MTA3: variants seen among roughly 807,000 people sequenced by gnomAD.
MTA3 encodes metastasis-associated protein MTA3.
A neutral mutation model predicts 83.5 loss-of-function variants in MTA3; 34 were observed. The ratio of observed to expected loss-of-function variants is 0.41; its 90% confidence interval spans 0.31 to 0.54. The LOEUF is 0.54. Among genes scored for constraint, MTA3 ranks in the 20% least tolerant of loss-of-function variants. The pLI is 0.33. For synonymous variants in MTA3, 303 were observed against 252.7 expected (o/e 1.20, Z -1.89); for missense variants, 761 against 726.4 (o/e 1.05, Z -0.55).
chr2:42,532,875 C>T, intron 2 of MTA3: 1 of 344,416 alleles, frequency 2.9e-6, no homozygotes, highest in Non-Finnish European at 5.6e-6. Context: ...AACCCAGGCA[C>T]CTTTCTCTTT....
intron 2 of MTA3, among the ~76,000 whole-genome samples, chr2:42,575,037 T>C (rs907966509): frequency 1.3e-5 from 2 of 152,230 alleles, no homozygotes; most frequent in African/African-American, 4.8e-5. Context: ...GTTAATTACA[T>C]CGAAATAGAA....
intron 3 of MTA3, among the ~76,000 whole-genome samples, chr2:42,604,597 T>A (rs1176021762): frequency 6.7e-6 from 1 of 148,542 alleles, no homozygotes; most frequent in African/African-American, 2.5e-5. Flanking sequence ...TTTAATTTAT[T>A]TTTTTATTGA....
intron 8 of MTA3, among the ~76,000 whole-genome samples, chr2:42,663,690 A>G (rs1385630875): frequency 1.3e-5 from 2 of 152,176 alleles, no homozygotes; most frequent in East Asian, 3.9e-4. Flanking sequence ...CCTTGAGCCA[A>G]GAAGTTCGAG....
At position 42,753,784 on chromosome 2, in the gene MTA3, C is replaced by T. The variant is rs1339570504; in HGVS notation, c.*385C>T. ...GCCGCTGCCACCCTGCATGTGTCCG[C>T]TCAGCTCGGTCTTATGCTGTATAGT... On this transcript the variant is annotated 3_prime_UTR_variant, in exon 17 of 17. Transcript: ENST00000405094. 2.7e-6 allele frequency: 3 copies of T among 1,108,498 alleles called. No homozygotes were observed. The highest frequency in any genetic ancestry group is 3.3e-5 in the African/African-American group (2 of 61,176). The allele number at this position is 1,108,498 out of a possible 1,614,324, so 68.7% of individuals were successfully genotyped here. A position where few individuals can be genotyped will look rare whatever the true frequency, so the allele number is the denominator to read the frequency against.
chr2:42,531,968 G>C (rs1185206804), intron 2 of MTA3, among the ~76,000 whole-genome samples: 1 of 152,034 alleles, frequency 6.6e-6, no homozygotes, highest in Non-Finnish European at 1.5e-5. Context: ...GTGTTAGCTA[G>C]GATGGTCTCG....
intron 2 of MTA3, among the ~76,000 whole-genome samples, chr2:42,509,708 CT>C (rs1196809907): frequency 4.0e-5 from 6 of 151,776 alleles, no homozygotes; most frequent in African/African-American, 1.5e-4. Context: ...GGGGTTGAGG[CT>C]GCAGTGAGCC....
chr2:42,534,903 G>A (rs1011815801), intron 2 of MTA3, among the ~76,000 whole-genome samples: 7 of 151,818 alleles, frequency 4.6e-5, no homozygotes, highest in Admixed American at 3.3e-4. Flanking sequence ...TTTTACTGGC[G>A]TGAGCCACTG....
intron 2 of MTA3, among the ~76,000 whole-genome samples, chr2:42,518,602 G>A (rs1187922809): frequency 3.9e-5 from 6 of 152,150 alleles, no homozygotes; most frequent in Non-Finnish European, 8.8e-5. Context: ...AATCATTGAT[G>A]TAGCTATTCC....
At chr2:42,590,107 A>T (rs1680791185) in intron 3 of MTA3, among the ~76,000 whole-genome samples, 1 of 152,122 alleles carries the variant, frequency 6.6e-6, no homozygotes, top group Non-Finnish European at 1.5e-5. Context: ...ATGTCTTCTT[A>T]TACACCCAAG....
At chr2:42,582,428 CT>C (rs1679773794) in intron 3 of MTA3, among the ~76,000 whole-genome samples, 1 of 152,102 alleles carries the variant, frequency 6.6e-6, no homozygotes, top group South Asian at 2.1e-4. Flanking sequence ...TGCATATATA[CT>C]TTAATACATT....
At chr2:42,561,111 A>T (rs1177449149) in intron 2 of MTA3, among the ~76,000 whole-genome samples, 2 of 151,878 alleles carry the variant, frequency 1.3e-5, no homozygotes, top group Admixed American at 1.3e-4. Flanking sequence ...CTGCTTCCTG[A>T]TGTGGGGAAC....
At chr2:42,738,851 T>A (rs1447550601) in intron 16 of MTA3, among the ~76,000 whole-genome samples, 1 of 152,110 alleles carries the variant, frequency 6.6e-6, no homozygotes, top group Non-Finnish European at 1.5e-5. Flanking sequence ...TAAACTCCAG[T>A]CTCCCATAGC....
chr2:42,743,518 C>T (rs369129537), intron 16 of MTA3, among the ~76,000 whole-genome samples: 3 of 152,184 alleles, frequency 2.0e-5, no homozygotes, highest in East Asian at 3.8e-4. Context: ...TACAATAAAG[C>T]CCTTTTGAAT....
intron 16 of MTA3, among the ~76,000 whole-genome samples, chr2:42,740,122 T>G (rs551078573): frequency 6.6e-6 from 1 of 152,240 alleles, no homozygotes; most frequent in Non-Finnish European, 1.5e-5. Context: ...TCTAGCAGGT[T>G]TTCAGTTGAC....
chr2:42,529,406 C>G (rs1675858032), intron 2 of MTA3, among the ~76,000 whole-genome samples: 1 of 152,184 alleles, frequency 6.6e-6, no homozygotes, highest in Non-Finnish European at 1.5e-5. Context: ...CATCATGCTC[C>G]AGGTCCTCAC....
At chr2:42,554,321 T>G (rs1677276826) in intron 2 of MTA3, among the ~76,000 whole-genome samples, 1 of 152,224 alleles carries the variant, frequency 6.6e-6, no homozygotes, top group Non-Finnish European at 1.5e-5. Flanking sequence ...GTCCCAGAAC[T>G]CCGTTTCATT....
chr2:42,711,339 C>G (rs141775999), intron 14 of MTA3, among the ~76,000 whole-genome samples: 1 of 152,040 alleles, frequency 6.6e-6, no homozygotes, highest in East Asian at 1.9e-4. Context: ...TAATTTTTTT[C>G]TCAATTGACG....
intron 6 of MTA3, among the ~76,000 whole-genome samples, chr2:42,645,224 G>A (rs940539631): frequency 1.4e-5 from 2 of 143,900 alleles, no homozygotes; most frequent in African/African-American, 5.1e-5. Context: ...ACACATGAAT[G>A]ATAAAAAAAA....
At chr2:42,716,218 T>C (rs1667018986) in intron 14 of MTA3, among the ~76,000 whole-genome samples, 1 of 152,262 alleles carries the variant, frequency 6.6e-6, no homozygotes, top group African/African-American at 2.4e-5. Context: ...TTTATACTTG[T>C]CAGTGGTTGC....
Sources: allele counts gnomAD v4.1 joint callset (sites outside exome capture counted in the v4.1 genomes callset), GRCh38; gene constraint gnomAD v4.1.1; transcripts MANE v1.5; gene names NCBI Gene and HGNC (gene_info 2026-07-23, HGNC 2026-07-21).